TRAPPC9: variants seen among roughly 807,000 people sequenced by gnomAD.
TRAPPC9 encodes trafficking protein particle complex subunit 9.
In TRAPPC9, 83 loss-of-function variants were observed where a neutral mutation model predicts 124.0. The observed-to-expected ratio is 0.67, with a 90% CI of 0.56 to 0.80. The LOEUF (loss-of-function observed/expected upper bound fraction) is 0.80, where lower values mean the gene tolerates loss of function less well. Among genes scored for constraint, TRAPPC9 ranks in the 30% least tolerant of loss-of-function variants. The pLI is 0.00. For missense variants in TRAPPC9, 1,302 were observed against 1,508.3 expected (o/e 0.86, Z 2.27); for synonymous variants, 638 against 617.5 (o/e 1.03, Z -0.49).
intron 10 of TRAPPC9, among the ~76,000 whole-genome samples, chr8:140,303,308 C>T (rs965679903): frequency 5.3e-5 from 8 of 152,144 alleles, no homozygotes; most frequent in Admixed American, 2.0e-4. Flanking sequence ...CCCATCACTG[C>T]CCCCAAATTA....
At chr8:140,391,568 C>T (rs568882455) in intron 7 of TRAPPC9, among the ~76,000 whole-genome samples, 2 of 151,552 alleles carry the variant, frequency 1.3e-5, no homozygotes, top group African/African-American at 4.8e-5. Context: ...CAAAATTAGC[C>T]GGGTGTGGTG....
At chr8:140,221,614 C>T (rs2063340386) in intron 16 of TRAPPC9, 31 bp from the exon 17 acceptor site, 2 of 1,604,780 alleles carry the variant, frequency 1.2e-6, no homozygotes, top group Non-Finnish European at 1.7e-6. Flanking sequence ...TCATAAGTAA[C>T]ACGTCAGCTT....
At chr8:140,320,247 G>A (rs997149531) in intron 9 of TRAPPC9, among the ~76,000 whole-genome samples, 1 of 152,140 alleles carries the variant, frequency 6.6e-6, no homozygotes, top group East Asian at 1.9e-4. Flanking sequence ...AGGTCTCTTT[G>A]GAGGCTTCCA....
chr8:140,188,017 G>A (rs1426429035), intron 17 of TRAPPC9, among the ~76,000 whole-genome samples: 6 of 152,116 alleles, frequency 3.9e-5, no homozygotes, highest in Non-Finnish European at 7.3e-5. Flanking sequence ...TACATCCTCT[G>A]GGCTCATCTG....
Position 139,992,124 on chromosome 8 carries a change from A to G in TRAPPC9, c.2700-3288T>C, listed in dbSNP as rs546907232. 8.0e-4 allele frequency among the ~76,000 whole-genome samples: 122 copies of G among 152,364 alleles called. 2 individuals are homozygous for G. The highest frequency in any genetic ancestry group is 2.8e-3 in the African/African-American group (115 of 41,592). ...GACATACAATCAATCCCAGTCATAC[A>G]CATCAACTAAAAACAATTACAAGAC... On this transcript the variant is annotated intron_variant, in intron 18 of 22. Coordinates refer to ENST00000438773, the MANE Select transcript of TRAPPC9 (RefSeq NM_001160372.4).
intron 21 of TRAPPC9, among the ~76,000 whole-genome samples, chr8:139,756,710 G>T (rs1432634181): frequency 3.1e-5 from 4 of 129,524 alleles, no homozygotes; most frequent in South Asian, 2.7e-4. Flanking sequence ...AGGCTTTGGG[G>T]ATGAGGACAG....
intron 19 of TRAPPC9, among the ~76,000 whole-genome samples, chr8:139,959,700 A>G (rs1414170447): frequency 6.6e-6 from 1 of 152,222 alleles, no homozygotes; most frequent in Non-Finnish European, 1.5e-5. Context: ...AATTACAGGC[A>G]CTGCTTAAGC....
At position 140,440,685 on chromosome 8, in the gene TRAPPC9, C is replaced by A. The variant is rs558511638; in HGVS notation, c.585-1488G>T. On this transcript the variant is annotated intron_variant, in intron 2 of 22. Transcript: ENST00000438773. ...CACAAATCAGTCTGTGTCCCTCCCCCACTGCAAACCTTTCACAGGATGCTC... is the reference window on the plus strand; with the variant it reads ...CACAAATCAGTCTGTGTCCCTCCCCAACTGCAAACCTTTCACAGGATGCTC... Among the ~76,000 whole-genome samples the A allele has an allele frequency of 1.4e-4, 21 of 152,198 alleles. 1 individual carries two copies. In the South Asian group the frequency reaches 4.4e-3, roughly 32 times the overall value.
chr8:139,886,242 A>G (rs532625064), intron 20 of TRAPPC9, among the ~76,000 whole-genome samples: 1 of 152,366 alleles, frequency 6.6e-6, no homozygotes, highest in Admixed American at 6.5e-5. Context: ...GGATAATTTT[A>G]ATCCAACAAC....
At chr8:139,932,455 C>T (rs2233236) in intron 19 of TRAPPC9, 11,817 of 457,744 alleles carry the variant, frequency 0.026, 200 homozygotes, top group Non-Finnish European at 0.035. Flanking sequence ...GCTGACCTGA[C>T]TCCTGGGGTA....
intron 16 of TRAPPC9, among the ~76,000 whole-genome samples, chr8:140,248,491 G>A (rs932359921): frequency 5.3e-5 from 8 of 152,244 alleles, no homozygotes; most frequent in Non-Finnish European, 1.0e-4. Flanking sequence ...CGGTGAAACC[G>A]TGTTGTTATT....
At chr8:140,244,767 G>A (rs982145123) in intron 16 of TRAPPC9, among the ~76,000 whole-genome samples, 12 of 148,408 alleles carry the variant, frequency 8.1e-5, no homozygotes, top group African/African-American at 2.2e-4. Flanking sequence ...TGTCTGTTAC[G>A]CAGAAGTATT....
intron 9 of TRAPPC9, among the ~76,000 whole-genome samples, chr8:140,359,650 G>C (rs2067877676): frequency 6.6e-6 from 1 of 152,134 alleles, no homozygotes; most frequent in South Asian, 2.1e-4. Flanking sequence ...GTGGCCACTT[G>C]GTGAGAATTT....
At chr8:140,013,378 A>C (rs1205468859) in intron 18 of TRAPPC9, among the ~76,000 whole-genome samples, 2 of 152,196 alleles carry the variant, frequency 1.3e-5, no homozygotes, top group Non-Finnish European at 2.9e-5. Context: ...TCGTCTAAAC[A>C]AACAACTCAA....
intron 19 of TRAPPC9, among the ~76,000 whole-genome samples, chr8:139,917,660 T>C (rs1018582149): frequency 1.3e-5 from 2 of 152,118 alleles, no homozygotes; most frequent in African/African-American, 4.8e-5. Flanking sequence ...ACCGCCTCCA[T>C]CTTCGCAGCA....
At chr8:140,445,526 G>C (rs2071215204) in intron 2 of TRAPPC9, among the ~76,000 whole-genome samples, 2 of 152,216 alleles carry the variant, frequency 1.3e-5, no homozygotes, top group Admixed American at 1.3e-4. Context: ...TGCCAGGAGA[G>C]CAGGGGAGGA....
chr8:140,343,019 C>T (rs2067238009), intron 9 of TRAPPC9, among the ~76,000 whole-genome samples: 1 of 152,094 alleles, frequency 6.6e-6, no homozygotes, highest in South Asian at 2.1e-4. Flanking sequence ...ATCACTATGG[C>T]CAAATTCTAG....
chr8:140,457,237 G>T (rs951916136), intron 1 of TRAPPC9, among the ~76,000 whole-genome samples: 13 of 152,172 alleles, frequency 8.5e-5, no homozygotes, highest in Admixed American at 2.6e-4. Context: ...GGGGCGGGGG[G>T]CTCCAGCGCC....
chr8:139,819,472 G>A (rs758306213), intron 21 of TRAPPC9, among the ~76,000 whole-genome samples: 34 of 152,146 alleles, frequency 2.2e-4, no homozygotes, highest in Non-Finnish European at 3.7e-4. Context: ...CAAAAAGGTT[G>A]GGGACCACCT....
Sources: gnomAD v4.1 joint callset for allele counts (sites outside exome capture counted in the v4.1 genomes callset) on GRCh38, gnomAD v4.1.1 for gene constraint, MANE v1.5 for transcripts, NCBI Gene and HGNC (gene_info 2026-07-23, HGNC 2026-07-21) for gene names.